The following CCNJL variants were observed in gnomAD, a reference collection of about 807,000 sequenced individuals.
CCNJL encodes cyclin J like.
A neutral mutation model predicts 33.4 loss-of-function variants in CCNJL; 33 were observed. That is an observed-to-expected ratio of 0.99 (90% CI 0.75 to 1.32). The LOEUF (loss-of-function observed/expected upper bound fraction) is 1.32, where lower values mean the gene tolerates loss of function less well. CCNJL is among the 40% of genes most tolerant of loss of function. The probability of loss-of-function intolerance (pLI) is 0.00; values close to 1 mark genes in which losing one functional copy is unlikely to be tolerated. For missense variants in CCNJL, 512 were observed against 499.7 expected (o/e 1.02, Z -0.23); for synonymous variants, 227 against 220.9 (o/e 1.03, Z -0.24).
chr5:160,333,124 A>ATTTTTTTTTT (rs1013125021), intron 1 of CCNJL, among the ~76,000 whole-genome samples: 1 of 143,372 alleles, frequency 7.0e-6, no homozygotes, highest in Admixed American at 7.0e-5. Context: ...GTCTCTACAA[A>ATTTTTTTTTT]TTTTTTTTTT....
At chr5:160,322,775 G>A (rs993492193) in intron 1 of CCNJL, among the ~76,000 whole-genome samples, 20 of 150,942 alleles carry the variant, frequency 1.3e-4, no homozygotes, top group Admixed American at 9.3e-4. Flanking sequence ...GCGTGGTTGC[G>A]CAGCGCACCT....
In CCNJL at chr5:160,252,812, T is replaced by C. The variant is rs948037908; in HGVS notation, c.*566A>G. The stretch of plus-strand genomic sequence containing the variant: ...ACATATCTAAAAGGCTGAAAATGGT[T>C]TTAGGTTCGAAAACAAAGGCAAGAC... On this transcript the variant is annotated 3_prime_UTR_variant, in exon 6 of 6. Transcript: ENST00000257536. 1 of 152,766 alleles carries C rather than the reference T, an allele frequency of 6.5e-6. No homozygotes were observed. Among genetic ancestry groups the C allele is most frequent in the African/African-American group, 2.4e-5 (1 of 41,414 alleles). The allele number at this position is 152,766 out of a possible 1,614,324, so 9.5% of individuals were successfully genotyped here. A position where few individuals can be genotyped will look rare whatever the true frequency, so the allele number is the denominator to read the frequency against.
chr5:160,275,085 G>GGT lies in CCNJL; in HGVS notation c.280+5439_280+5440insAC, dbSNP rs770612445. On this transcript the variant is annotated intron_variant, in intron 3 of 5. Transcript: ENST00000257536. ...CATCTAGGTTTGGAAGGATTTGTGT[G>GGT]TTTTTTTTTTTTTTTTTGAGACAGA... Among the ~76,000 whole-genome samples, 753 of 113,052 alleles carry GGT rather than the reference G, an allele frequency of 6.7e-3. 6 individuals are homozygous for GGT. The highest frequency in any genetic ancestry group is 0.024 in the African/African-American group (668 of 27,816). The allele number at this position is 113,052 out of a possible 152,430, so 74.2% of individuals were successfully genotyped here. A position where few individuals can be genotyped will look rare whatever the true frequency, so the allele number is the denominator to read the frequency against.
intron 5 of CCNJL, chr5:160,254,677 C>T: frequency 4.3e-6 from 1 of 234,466 alleles, no homozygotes; most frequent in Non-Finnish European, 8.1e-6. Flanking sequence ...TGTGTGCCTA[C>T]TGGGAATGGC....
At chr5:160,295,515 G>A (rs1212215921) in intron 2 of CCNJL, among the ~76,000 whole-genome samples, 1 of 152,046 alleles carries the variant, frequency 6.6e-6, no homozygotes, top group Non-Finnish European at 1.5e-5. Context: ...AGAAAATAGA[G>A]TCTTTACAGA....
At chr5:160,311,433 C>T (rs1412459379) in intron 2 of CCNJL, among the ~76,000 whole-genome samples, 2 of 152,156 alleles carry the variant, frequency 1.3e-5, no homozygotes, top group Admixed American at 6.5e-5. Flanking sequence ...TAAACTGCGA[C>T]ATCATTATTA....
rs1263483968 is a variant in CCNJL, at chr5:160,249,552, C to T, written c.*3826G>A. The T allele has an allele frequency of 1.3e-5, 2 of 152,096 alleles. No homozygotes were observed. Among genetic ancestry groups the T allele is most frequent in the Admixed American group, 1.3e-4 (2 of 15,258 alleles). The allele number at this position is 152,096 out of a possible 1,614,324, so 9.4% of individuals were successfully genotyped here. On this transcript the variant is annotated 3_prime_UTR_variant, in exon 6 of 6. Transcript: ENST00000257536. Reference sequence around the variant, plus strand: ...CCGAGGCAGTCAGATTGCTTGAGCTCAGGAGTCTGAGACCAGCCTGGACAA... The same window carrying T: ...CCGAGGCAGTCAGATTGCTTGAGCTTAGGAGTCTGAGACCAGCCTGGACAA...
At chr5:160,321,114 T>C (rs943711601) in intron 1 of CCNJL, among the ~76,000 whole-genome samples, 1 of 149,598 alleles carries the variant, frequency 6.7e-6, no homozygotes, top group African/African-American at 2.5e-5. Context: ...CTCTCTCTCT[T>C]TTTTTTCCAC....
At position 160,253,382 on chromosome 5, in the gene CCNJL, C is replaced by T. The variant is rs779046128; in HGVS notation, c.1160G>A (p.Arg387Lys). The change falls in exon 6 of 6, where the codon AGA (arginine) becomes AAA (lysine). Residue 387 changes from arginine (R) to lysine (K), a missense_variant. Arg to Lys is a conservative substitution (Grantham distance 26). Transcript: ENST00000257536. ...SHMFPTGCFD[R>K] ...CTCGTGAGGTCTGGAGGTGGCCTAT[C>T]TGTCAAAGCAGCCGGTGGGGAACAT... The T allele has an allele frequency of 1.3e-5, 20 of 1,573,098 alleles. No homozygotes were observed. In the African/African-American group the frequency reaches 2.3e-4, roughly 18 times the overall value.
At chr5:160,275,084 T>TG (rs141832431) in intron 3 of CCNJL, among the ~76,000 whole-genome samples, 14,247 of 149,040 alleles carry the variant, frequency 0.096, 927 homozygotes, top group South Asian at 0.23. Flanking sequence ...AGGATTTGTG[T>TG]GTTTTTTTTT....
intron 2 of CCNJL, among the ~76,000 whole-genome samples, chr5:160,295,375 G>A (rs543204511): frequency 6.6e-6 from 1 of 152,178 alleles, no homozygotes; most frequent in Non-Finnish European, 1.5e-5. Flanking sequence ...CGTAGTCCCA[G>A]CTACTCGGGA....
intron 1 of CCNJL, among the ~76,000 whole-genome samples, chr5:160,328,235 A>T (rs1050516686): frequency 2.0e-5 from 3 of 152,210 alleles, no homozygotes; most frequent in African/African-American, 7.2e-5. Context: ...GCCATGGATG[A>T]GAAGTCATGG....
chr5:160,315,963 A>C (rs898107487), upstream of CCNJL, among the ~76,000 whole-genome samples: 4 of 152,188 alleles, frequency 2.6e-5, no homozygotes, highest in Non-Finnish European at 1.5e-5. Context: ...TCAGCTATCA[A>C]TTATCAGGAG....
intron 3 of CCNJL, among the ~76,000 whole-genome samples, chr5:160,261,847 T>C (rs1198268991): frequency 1.3e-5 from 2 of 152,198 alleles, no homozygotes; most frequent in African/African-American, 2.4e-5. Flanking sequence ...CTTGTAAGAA[T>C]AGGAACTGAG....
intron 3 of CCNJL, among the ~76,000 whole-genome samples, chr5:160,276,015 A>T (rs1022935140): frequency 1.3e-5 from 2 of 152,268 alleles, no homozygotes; most frequent in Admixed American, 6.5e-5. Context: ...CACAACAGCC[A>T]AAAGGTGAAA....
At chr5:160,281,447 C>A (rs1410219214) in intron 2 of CCNJL, 1 of 153,724 alleles carries the variant, frequency 6.5e-6, no homozygotes. Flanking sequence ...ACTTCCCACA[C>A]CCCTGGGAGG....
chr5:160,322,780 G>A (rs1024609015), intron 1 of CCNJL, among the ~76,000 whole-genome samples: 4 of 150,542 alleles, frequency 2.7e-5, no homozygotes, highest in South Asian at 4.2e-4. Flanking sequence ...GTTGCGCAGC[G>A]CACCTGTAGT....
chr5:160,264,941 C>T (rs772030789), intron 3 of CCNJL, among the ~76,000 whole-genome samples: 3 of 152,038 alleles, frequency 2.0e-5, no homozygotes, highest in South Asian at 2.1e-4. Flanking sequence ...TTTAAATATA[C>T]GAAAAGAGAG....
chr5:160,314,602 T>G (rs1763357154), upstream of CCNJL, among the ~76,000 whole-genome samples: 1 of 152,224 alleles, frequency 6.6e-6, no homozygotes, highest in African/African-American at 2.4e-5. Flanking sequence ...TGAATAAATA[T>G]GCAGGATCTA....
Sources: gnomAD v4.1 joint callset for allele counts (sites outside exome capture counted in the v4.1 genomes callset) on GRCh38, gnomAD v4.1.1 for gene constraint, MANE v1.5 for transcripts, NCBI Gene and HGNC (gene_info 2026-07-23, HGNC 2026-07-21) for gene names.